The following NHS variants were observed in gnomAD, a reference collection of about 807,000 sequenced individuals.
The protein encoded by NHS is NHS actin remodeling regulator, also known as actin remodeling regulator NHS.
In NHS, 5 loss-of-function variants were observed where a neutral mutation model predicts 72.5. The observed-to-expected ratio is 0.07, with a 90% CI of 0.04 to 0.14. NHS has a LOEUF of 0.14. Among genes scored for constraint, NHS ranks in the 10% least tolerant of loss-of-function variants. The pLI, the probability that NHS is intolerant of heterozygous loss-of-function variation, is 1.00. For synonymous variants in NHS, 464 were observed against 547.7 expected, an observed-to-expected ratio of 0.85 and a Z score of 2.13; for missense variants, 1,072 against 1,355.7, an observed-to-expected ratio of 0.79 and a Z score of 3.29.
At chrX:17,416,234 C>T (rs993333882) in intron 1 of NHS, among the ~76,000 whole-genome samples, 1 of 111,348 alleles carries the variant, frequency 9.0e-6, no homozygotes, top group African/African-American at 3.3e-5. Flanking sequence ...CATTTATCTG[C>T]TTAACAAATG....
chrX:17,577,809 G>A (rs771122808), intron 1 of NHS, among the ~76,000 whole-genome samples: 6 of 111,675 alleles, frequency 5.4e-5, no homozygotes, highest in Admixed American at 1.9e-4. Context: ...ATTCTGTCTT[G>A]TCTCCCTTCC....
intron 1 of NHS, among the ~76,000 whole-genome samples, chrX:17,427,373 T>C (rs2064662348): frequency 8.9e-6 from 1 of 112,192 alleles, no homozygotes; most frequent in African/African-American, 3.2e-5. Context: ...AAAATACGTG[T>C]CTCTGGGCCC....
chrX:17,516,314 C>G (rs62586092), intron 1 of NHS, among the ~76,000 whole-genome samples: 3,615 of 111,349 alleles, frequency 0.032, 40 homozygotes, highest in Middle Eastern at 0.037. Flanking sequence ...TGGTGAGAAG[C>G]ATTAGGCTTG....
At chrX:17,487,933 A>G (rs1443507210) in intron 1 of NHS, among the ~76,000 whole-genome samples, 1 of 111,565 alleles carries the variant, frequency 9.0e-6, no homozygotes, top group Non-Finnish European at 1.9e-5. Context: ...GTGGTGGGGC[A>G]CAGGGGGTGG....
rs1289793780 is a variant in NHS, at chrX:17,732,068, A to G, written c.4560A>G (p.Leu1520=). The G allele has an allele frequency of 8.3e-7, 1 of 1,211,615 alleles. No individual in the cohort carries two copies. The highest frequency in any genetic ancestry group is 1.8e-5 in the South Asian group (1 of 56,938). ...CATCCAATGAAGAGTTTAAGCTGTT[A>G]CTGCTCAAGAAAGGCAGTCGCTCAG... is the stretch of plus-strand genomic sequence containing the variant. ...SNTSNEEFKL[L]LLKKGSRSDS... Residue 1520 remains leucine, a synonymous_variant, in exon 9 of 9, where the codon TTA becomes TTG. Coordinates refer to ENST00000676302, the MANE Select transcript of NHS (RefSeq NM_001291867.2).
intron 1 of NHS, among the ~76,000 whole-genome samples, chrX:17,653,886 G>C (rs2065941381): frequency 8.9e-6 from 1 of 111,755 alleles, no homozygotes; most frequent in Non-Finnish European, 1.9e-5. Context: ...CAGCAGGTCT[G>C]GGAAGGCCTG....
In NHS at chrX:17,435,841, A is replaced by G. The variant is rs751528996; in HGVS notation, c.565+59519A>G. 1.5e-4 allele frequency among the ~76,000 whole-genome samples: 17 copies of G among 111,926 alleles called. No individual in the cohort carries two copies. In the South Asian group the frequency reaches 6.1e-3, roughly 40 times the overall value. ...GTTGTTTCTGCCTCCTCTTGGGCCTATCAGTCTTTGCCACCATCAGGAGAA... is the reference window on the plus strand; with the variant it reads ...GTTGTTTCTGCCTCCTCTTGGGCCTGTCAGTCTTTGCCACCATCAGGAGAA... On this transcript the variant is annotated intron_variant, in intron 1 of 8. Transcript: ENST00000676302.
Position 17,731,956 on chromosome X carries a change from C to T in NHS, c.4448C>T (p.Ser1483Phe), listed in dbSNP as rs1481421967. The T allele has an allele frequency of 8.3e-7, 1 of 1,211,723 alleles. No individual in the cohort carries two copies. The highest frequency in any genetic ancestry group is 1.8e-5 in the South Asian group (1 of 56,957). ...PLSSSSSSAS[S>F]ITSPSSNVTT... Reference sequence around the variant, plus strand: ...AGCAGTAGCAGCAGCAGCGCCAGTTCCATCACTTCACCCAGCAGTAATGTG... The same window carrying T: ...AGCAGTAGCAGCAGCAGCGCCAGTTTCATCACTTCACCCAGCAGTAATGTG... Residue 1483 changes from serine to phenylalanine, a missense_variant, in exon 9 of 9, where the codon TCC becomes TTC. Ser to Phe is a radical substitution (Grantham distance 155). Transcript: ENST00000676302.
chrX:17,388,057 G>A (rs748303494), intron 1 of NHS, among the ~76,000 whole-genome samples: 1 of 112,621 alleles, frequency 8.9e-6, no homozygotes, highest in South Asian at 3.7e-4. Context: ...TCTCTGCATG[G>A]TCAAAGATGT....
At position 17,538,492 on chromosome X, in the gene NHS, T is replaced by C. The variant is rs144389451; in HGVS notation, c.566-149250T>C. On this transcript the variant is annotated intron_variant, in intron 1 of 8. Transcript: ENST00000676302. ...TCTGGGAAACTAAGCAGAACACACG[T>C]CAGAGTTTCCTGCCTAGGAGGTGAG... Among the ~76,000 whole-genome samples the C allele has an allele frequency of 3.2e-3, 354 of 111,702 alleles. 1 individual carries two copies. The highest frequency in any genetic ancestry group is 0.011 in the African/African-American group (336 of 30,739).
chrX:17,715,169 C>T (rs1298776698), intron 3 of NHS, among the ~76,000 whole-genome samples: 2 of 111,605 alleles, frequency 1.8e-5, no homozygotes, highest in African/African-American at 6.5e-5. Context: ...TCATCCCTGA[C>T]CTTGCTCCCA....
intron 1 of NHS, among the ~76,000 whole-genome samples, chrX:17,471,910 A>G (rs1236116723): frequency 9.0e-6 from 1 of 111,532 alleles, no homozygotes; most frequent in Non-Finnish European, 1.9e-5. Context: ...TTGCAGGGCC[A>G]GGGAGGGAAT....
intron 1 of NHS, among the ~76,000 whole-genome samples, chrX:17,628,838 T>C (rs896433333): frequency 1.8e-5 from 2 of 113,133 alleles, no homozygotes; most frequent in Non-Finnish European, 3.7e-5. Flanking sequence ...TCTTGTAGAG[T>C]TGCTGTAAGA....
intron 1 of NHS, among the ~76,000 whole-genome samples, chrX:17,461,449 C>G (rs2064847165): frequency 8.9e-6 from 1 of 112,359 alleles, no homozygotes; most frequent in Non-Finnish European, 1.9e-5. Flanking sequence ...ATAATTACAC[C>G]AAGAAGCTTT....
chrX:17,530,109 C>T (rs1009094043), intron 1 of NHS, among the ~76,000 whole-genome samples: 2 of 110,449 alleles, frequency 1.8e-5, no homozygotes, highest in Admixed American at 1.9e-4. Context: ...TGAAGCTAGT[C>T]AAACTCCCCT....
rs143230051 is a variant in NHS, at chrX:17,663,594, T to C, written c.566-24148T>C. ...CTTTTTATTGCTAAGCAGTAATCCA[T>C]TGTAAGAATATACCATACTTTATTC... is the stretch of plus-strand genomic sequence containing the variant. On this transcript the variant is annotated intron_variant, in intron 1 of 8. Transcript: ENST00000676302. 9.9e-3 allele frequency among the ~76,000 whole-genome samples: 1,117 copies of C among 112,478 alleles called. 4 individuals carry two copies. Among genetic ancestry groups the C allele is most frequent in the Middle Eastern group, 0.032 (7 of 218 alleles).
At chrX:17,617,678 G>A (rs2065753426) in intron 1 of NHS, among the ~76,000 whole-genome samples, 1 of 112,366 alleles carries the variant, frequency 8.9e-6, no homozygotes, top group African/African-American at 3.2e-5. Flanking sequence ...GTTAGGAATT[G>A]ATTTCCCCAG....
intron 1 of NHS, among the ~76,000 whole-genome samples, chrX:17,659,832 G>T (rs2065974381): frequency 8.9e-6 from 1 of 111,889 alleles, no homozygotes; most frequent in Non-Finnish European, 1.9e-5. Flanking sequence ...CCATTTTACA[G>T]ATGAAGAAAC....
intron 1 of NHS, among the ~76,000 whole-genome samples, chrX:17,564,795 A>G (rs949656833): frequency 1.8e-5 from 2 of 111,038 alleles, no homozygotes; most frequent in Admixed American, 9.5e-5. Context: ...CACCTTCTGA[A>G]ACTCCCCCAA....
Sources: allele counts gnomAD v4.1 joint callset (sites outside exome capture counted in the v4.1 genomes callset), GRCh38; gene constraint gnomAD v4.1.1; transcripts MANE v1.5; gene names NCBI Gene and HGNC (gene_info 2026-07-23, HGNC 2026-07-21).